SLC17A5: variants seen among roughly 807,000 people sequenced by gnomAD.
The protein encoded by SLC17A5 is solute carrier family 17 member 5.
Under a neutral mutation model 59.4 loss-of-function variants are expected in SLC17A5, and 47 were observed. The observed-to-expected ratio is 0.79, with a 90% confidence interval of 0.63 to 1.01. The LOEUF is 1.01. Ranked by LOEUF, SLC17A5 falls within the 50% of genes least tolerant of loss-of-function variation. The probability of loss-of-function intolerance (pLI) is 0.00; values close to 1 mark genes in which losing one functional copy is unlikely to be tolerated. For missense variants in SLC17A5, 522 were observed against 595.5 expected, an observed-to-expected ratio of 0.88 and a Z score of 1.28; for synonymous variants, 202 against 210.7, an observed-to-expected ratio of 0.96 and a Z score of 0.36.
rs149630111 is a variant in SLC17A5, at chr6:73,637,029, T to C, written c.614-322A>G. Among the ~76,000 whole-genome samples, 1,418 of 149,550 alleles carry C rather than the reference T, an allele frequency of 9.5e-3. 12 individuals carry two copies. Among genetic ancestry groups the C allele is most frequent in the Non-Finnish European group, 0.012 (799 of 67,668 alleles). On this transcript the variant is annotated intron_variant, in intron 4 of 10. Coordinates refer to ENST00000355773, the MANE Select transcript of SLC17A5 (RefSeq NM_012434.5). The stretch of plus-strand genomic sequence containing the variant: ...ATCGCTTCAGCTGTTGAGGCTGCAG[T>C]GAGGGGCGATTGTGCCACTGCCTTC...
rs750965566 is a variant in SLC17A5 at position 73,638,493 on chromosome 6, T to C, written c.532A>G (p.Thr178Ala). Residue 178 changes from threonine (T) to alanine (A), a missense_variant, in exon 4 of 11, where the codon ACA becomes GCA. Thr to Ala is a moderately conservative substitution (Grantham distance 58, BLOSUM62 0). Coordinates refer to ENST00000355773, the MANE Select transcript of SLC17A5 (RefSeq NM_012434.5). ...RALEGLGEGV[T>A]FPAMHAMWSS... Reference sequence around the variant, plus strand: ...CACATGGCATGCATGGCTGGAAATGTAACACCCTGAGAGAAGGGAACATGA... The same window carrying C: ...CACATGGCATGCATGGCTGGAAATGCAACACCCTGAGAGAAGGGAACATGA... The C allele has an allele frequency of 1.2e-6, 2 of 1,612,676 alleles. No homozygotes were observed. The highest frequency in any genetic ancestry group is 8.5e-7 in the Non-Finnish European group (1 of 1,178,674).
chr6:73,653,963 C>T lies in SLC17A5; in HGVS notation c.-77G>A. 1 of 1,329,496 alleles carries T rather than the reference C, an allele frequency of 7.5e-7. No homozygotes were observed. The highest frequency in any genetic ancestry group is 1.0e-6 in the Non-Finnish European group (1 of 953,284). The allele number at this position is 1,329,496 out of a possible 1,614,324, so 82.4% of individuals were successfully genotyped here. Reference sequence around the variant, plus strand: ...GCCCGACAGCCCGAAGCCCCCGGGCCGAGCTGGCTGGACCGGGCGGGGCGG... The same window carrying T: ...GCCCGACAGCCCGAAGCCCCCGGGCTGAGCTGGCTGGACCGGGCGGGGCGG... On this transcript the variant is annotated 5_prime_UTR_variant, in exon 1 of 11. Coordinates refer to ENST00000355773, the MANE Select transcript of SLC17A5 (RefSeq NM_012434.5).
intron 6 of SLC17A5, among the ~76,000 whole-genome samples, chr6:73,626,985 T>A (rs562557): frequency 6.6e-6 from 1 of 152,104 alleles, no homozygotes; most frequent in African/African-American, 2.4e-5. Flanking sequence ...TTGACCAGGC[T>A]GGTCTTGAAC....
chr6:73,653,229 G>A, intron 1 of SLC17A5: 1 of 985,384 alleles, frequency 1.0e-6, no homozygotes, highest in African/African-American at 1.7e-5. Flanking sequence ...GTTAACTCCA[G>A]TCCTTTTTTG....
In SLC17A5 at chr6:73,600,954, C is replaced by A. The variant is rs186329365; in HGVS notation, c.1260-513G>T. Among the ~76,000 whole-genome samples, 328 of 152,288 alleles carry A rather than the reference C, an allele frequency of 2.2e-3. 1 individual carries two copies. Among genetic ancestry groups the A allele is most frequent in the South Asian group, 3.9e-3 (19 of 4,830 alleles). On this transcript the variant is annotated intron_variant, in intron 9 of 10. Transcript: ENST00000355773. ...TAGCATTTTAACATTAACATTAGGC[C>A]CGGCCGCCACCCCGTCTGGGAAGTG...
At chr6:73,642,021 G>C in intron 2 of SLC17A5, 97 bp from the exon 3 acceptor site, 1 of 1,113,440 alleles carries the variant, frequency 9.0e-7, no homozygotes, top group East Asian at 2.4e-5. Flanking sequence ...ATGAGATTTT[G>C]AACCACTATT....
chr6:73,623,522 C>T (rs1471281251), intron 6 of SLC17A5, among the ~76,000 whole-genome samples: 2 of 151,558 alleles, frequency 1.3e-5, no homozygotes, highest in East Asian at 1.9e-4. Flanking sequence ...TTAGTAAAGG[C>T]GGGGTTTCAT....
intron 1 of SLC17A5, among the ~76,000 whole-genome samples, chr6:73,651,696 C>CCA (rs1352912765): frequency 4.6e-5 from 7 of 151,704 alleles, no homozygotes; most frequent in Admixed American, 1.3e-4. Context: ...GCACCCGCCA[C>CCA]CACACCCGGC....
At chr6:73,607,720 G>C (rs545684219) in intron 9 of SLC17A5, among the ~76,000 whole-genome samples, 2 of 151,744 alleles carry the variant, frequency 1.3e-5, no homozygotes, top group Non-Finnish European at 2.9e-5. Flanking sequence ...AATGGTGTGG[G>C]TGACTTACCA....
chr6:73,622,343 C>T (rs1768192488), intron 6 of SLC17A5, among the ~76,000 whole-genome samples: 1 of 151,092 alleles, frequency 6.6e-6, no homozygotes, highest in African/African-American at 2.4e-5. Context: ...CTCTTGTTGC[C>T]CAGGCTGGAG....
chr6:73,638,517 G>C lies in SLC17A5; in HGVS notation c.526-18C>G, dbSNP rs755867020. ...GTAACACCCTGAGAGAAGGGAACATGATATTTCTGATGAAATGTAAGGTAG... is the reference window on the plus strand; with the variant it reads ...GTAACACCCTGAGAGAAGGGAACATCATATTTCTGATGAAATGTAAGGTAG... On this transcript the variant is annotated intron_variant, in intron 3 of 10. Coordinates refer to ENST00000355773, the MANE Select transcript of SLC17A5 (RefSeq NM_012434.5). The C allele has an allele frequency of 6.4e-7, 1 of 1,573,882 alleles. No homozygotes were observed.
intron 7 of SLC17A5, chr6:73,618,581 GGAGGAAGCAGCA>G (rs1457257405): frequency 3.9e-6 from 2 of 517,648 alleles, no homozygotes; most frequent in Non-Finnish European, 7.4e-6. Context: ...TGTTCCTTCA[GGAGGAAGCAGCA>G]CTAAGAGCAC....
intron 8 of SLC17A5, among the ~76,000 whole-genome samples, chr6:73,612,223 C>A (rs9446938): frequency 6.6e-6 from 1 of 150,936 alleles, no homozygotes; most frequent in Non-Finnish European, 1.5e-5. Context: ...AGTGCAGTGG[C>A]GAAATCTTGG....
At chr6:73,598,446 C>T (rs901949218) in intron 10 of SLC17A5, among the ~76,000 whole-genome samples, 2 of 151,460 alleles carry the variant, frequency 1.3e-5, no homozygotes, top group Non-Finnish European at 2.9e-5. Context: ...GCCTGGCCAA[C>T]ATGGTGAAAC....
Position 73,641,820 on chromosome 6 carries a change from T to C in SLC17A5, c.396A>G (p.Lys132=), listed in dbSNP as rs755123619. ...TQIPGGYVAS[K]IGGKMLLGFG... ...ATCCTAGCAGCATTTTCCCCCCTAT[T>C]TTGCTGGCAACATATCCTCCAGGAA... is the stretch of plus-strand genomic sequence containing the variant. The change falls in exon 3 of 11, where the codon AAA becomes AAG. Residue 132 remains lysine, a synonymous_variant. Transcript: ENST00000355773. 1.2e-6 allele frequency: 2 copies of C among 1,614,138 alleles called. No homozygotes were observed. Among genetic ancestry groups the C allele is most frequent in the Non-Finnish European group, 8.5e-7 (1 of 1,180,040 alleles).
At chr6:73,610,600 C>G (rs1008676269) in intron 8 of SLC17A5, 53 bp from the exon 9 acceptor site, 1 of 1,592,572 alleles carries the variant, frequency 6.3e-7, no homozygotes, top group Non-Finnish European at 8.6e-7. Flanking sequence ...AATATTTGCT[C>G]TACCTTAATA....
chr6:73,648,481 A>G (rs569930687), intron 1 of SLC17A5, among the ~76,000 whole-genome samples: 1 of 152,206 alleles, frequency 6.6e-6, no homozygotes, highest in African/African-American at 2.4e-5. Context: ...TCTGTTTCTG[A>G]TTTTTCACTG....
chr6:73,653,802 C>A lies in SLC17A5; in HGVS notation c.85G>T (p.Ala29Ser). ...CGACCCCGCCGCTTACCGGCTTCGGCCCGTGGGGCGCCCGGTAGAAGAGGC... is the reference window on the plus strand; with the variant it reads ...CGACCCCGCCGCTTACCGGCTTCGGACCGTGGGGCGCCCGGTAGAAGAGGC... ...RTPLLPGAPRAEAAPVCCSAR... is the reference protein window; with the variant it reads ...RTPLLPGAPRSEAAPVCCSAR... Residue 29 changes from alanine to serine, a missense_variant, in exon 1 of 11, where the codon GCC becomes TCC. This residue lies in a region of SLC17A5 where 338 missense variants were observed against 363.8 expected (regional missense o/e 0.93). Transcript: ENST00000355773. The A allele has an allele frequency of 6.3e-7, 1 of 1,589,136 alleles. No homozygotes were observed. The highest frequency in any genetic ancestry group is 2.3e-5 in the East Asian group (1 of 43,376).
intron 3 of SLC17A5, among the ~76,000 whole-genome samples, chr6:73,641,302 C>T (rs1245716927): frequency 3.9e-5 from 6 of 152,136 alleles, no homozygotes; most frequent in Non-Finnish European, 8.8e-5. Context: ...TGGTCTCAAA[C>T]TCCTAACCTC....
Sources: gnomAD v4.1 joint callset for allele counts (sites outside exome capture counted in the v4.1 genomes callset) on GRCh38, gnomAD v4.1.1 for gene constraint, gnomAD v4.1.1 regional missense constraint, MANE v1.5 for transcripts, NCBI Gene and HGNC (gene_info 2026-07-23, HGNC 2026-07-21) for gene names.